Variants in GRID2 observed in about 807,000 individuals in gnomAD.
The protein encoded by GRID2 is glutamate ionotropic receptor delta type subunit 2, also known as glutamate receptor ionotropic, delta-2.
A neutral mutation model predicts 114.8 loss-of-function variants in GRID2; 33 were observed. The ratio of observed to expected loss-of-function variants is 0.29; its 90% CI spans 0.22 to 0.38. The LOEUF is 0.38. Among genes scored for constraint, GRID2 ranks in the 10% least tolerant of loss-of-function variants. The pLI, the probability that GRID2 is intolerant of heterozygous loss-of-function variation, is 1.00. For synonymous variants in GRID2, 505 were observed against 449.9 expected, an observed-to-expected ratio of 1.12 and a Z score of -1.55; for missense variants, 1,184 against 1,257.7, an observed-to-expected ratio of 0.94 and a Z score of 0.89.
chr4:92,374,729 G>A (rs531811897), intron 1 of GRID2, among the ~76,000 whole-genome samples: 22 of 152,168 alleles, frequency 1.4e-4, no homozygotes, highest in Non-Finnish European at 2.9e-4. Flanking sequence ...TAAGAGTAGC[G>A]CAAATCTTAA....
At chr4:92,785,389 A>G (rs2149360988) in intron 2 of GRID2, among the ~76,000 whole-genome samples, 1 of 151,302 alleles carries the variant, frequency 6.6e-6, no homozygotes. Flanking sequence ...TTTTTAAATA[A>G]ATATATATTA....
chr4:92,482,729 C>A (rs1722674137), intron 1 of GRID2, among the ~76,000 whole-genome samples: 1 of 152,038 alleles, frequency 6.6e-6, no homozygotes. Context: ...TTGTCTCTGG[C>A]TGAAAGAATC....
chr4:93,340,541 C>G (rs995999644), intron 8 of GRID2, among the ~76,000 whole-genome samples: 4 of 151,874 alleles, frequency 2.6e-5, no homozygotes, highest in Non-Finnish European at 5.9e-5. Flanking sequence ...TAAGTGTATT[C>G]TGGTTTCTAG....
intron 1 of GRID2, among the ~76,000 whole-genome samples, chr4:92,359,360 A>G (rs751763431): frequency 1.3e-5 from 2 of 152,002 alleles, no homozygotes; most frequent in Non-Finnish European, 2.9e-5. Context: ...ACAGTCCTAA[A>G]GTTAAATTCT....
At chr4:93,203,531 A>C (rs957558675) in intron 4 of GRID2, among the ~76,000 whole-genome samples, 2 of 152,186 alleles carry the variant, frequency 1.3e-5, no homozygotes, top group African/African-American at 2.4e-5. Flanking sequence ...AGGCCAAGAA[A>C]TATTGCATAA....
At chr4:93,327,498 T>C (rs1307933086) in intron 8 of GRID2, among the ~76,000 whole-genome samples, 1 of 152,058 alleles carries the variant, frequency 6.6e-6, no homozygotes, top group Admixed American at 6.6e-5. Context: ...CTCAAGACTC[T>C]CCCTTGTATA....
At chr4:93,158,366 C>G (rs1176996882) in intron 4 of GRID2, among the ~76,000 whole-genome samples, 3 of 151,728 alleles carry the variant, frequency 2.0e-5, no homozygotes, top group Non-Finnish European at 2.9e-5. Context: ...GGTGAAGCCT[C>G]CAATAGTACC....
chr4:92,428,264 GTAATAA>G (rs772512359), intron 1 of GRID2, among the ~76,000 whole-genome samples: 9 of 150,954 alleles, frequency 6.0e-5, no homozygotes, highest in Non-Finnish European at 7.4e-5. Context: ...TCCTCACAAA[GTAATAA>G]TAATAATAAT....
chr4:93,336,401 A>C (rs976599815), intron 8 of GRID2, among the ~76,000 whole-genome samples: 3 of 152,158 alleles, frequency 2.0e-5, no homozygotes, highest in African/African-American at 4.8e-5. Context: ...ATTTCACTGG[A>C]AGAATAAGCC....
intron 4 of GRID2, among the ~76,000 whole-genome samples, chr4:93,173,316 G>T (rs942527713): frequency 2.0e-5 from 3 of 152,024 alleles, no homozygotes; most frequent in African/African-American, 7.2e-5. Flanking sequence ...CTGAGAATTT[G>T]TCATAGAGCA....
intron 2 of GRID2, among the ~76,000 whole-genome samples, chr4:92,609,562 C>A (rs1316471058): frequency 6.6e-6 from 1 of 150,994 alleles, no homozygotes; most frequent in Non-Finnish European, 1.5e-5. Flanking sequence ...GATGAAAGGG[C>A]AAAAGTGATG....
chr4:93,688,732 A>C (rs1356886895), intron 14 of GRID2, among the ~76,000 whole-genome samples: 3 of 152,112 alleles, frequency 2.0e-5, no homozygotes, highest in Non-Finnish European at 2.9e-5. Context: ...TTGTCAAAAG[A>C]CAGAATGTTT....
chr4:93,258,968 T>A (rs1337638184), intron 8 of GRID2: 3 of 453,988 alleles, frequency 6.6e-6, no homozygotes, highest in Non-Finnish European at 1.3e-5. Context: ...TAAGGACTGA[T>A]GTGCTGACTA....
intron 4 of GRID2, among the ~76,000 whole-genome samples, chr4:93,131,317 C>A (rs1560911852): frequency 6.6e-6 from 1 of 151,462 alleles, no homozygotes; most frequent in Non-Finnish European, 1.5e-5. Context: ...CCATGCCCAG[C>A]TAATTTTTGT....
chr4:93,630,366 A>T (rs1366711822), intron 14 of GRID2, among the ~76,000 whole-genome samples: 1 of 152,316 alleles, frequency 6.6e-6, no homozygotes, highest in East Asian at 1.9e-4. Flanking sequence ...GAATGAAGAA[A>T]ACTGAATTTT....
intron 13 of GRID2, among the ~76,000 whole-genome samples, chr4:93,548,885 A>G (rs1368742880): frequency 6.6e-6 from 1 of 152,178 alleles, no homozygotes; most frequent in African/African-American, 2.4e-5. Context: ...TCAACAGTGA[A>G]TCACATCACC....
chr4:93,684,761 G>C (rs1209567443), intron 14 of GRID2, among the ~76,000 whole-genome samples: 1 of 152,036 alleles, frequency 6.6e-6, no homozygotes, highest in South Asian at 2.1e-4. Flanking sequence ...TATTGTATAG[G>C]GGGAGGGTTC....
chr4:92,917,896 T>C (rs923557359), intron 2 of GRID2, among the ~76,000 whole-genome samples: 2 of 152,190 alleles, frequency 1.3e-5, no homozygotes, highest in Non-Finnish European at 2.9e-5. Context: ...AGAAAGTCAT[T>C]GGTAGCTTAA....
At chr4:92,646,191 T>A (rs924563477) in intron 2 of GRID2, among the ~76,000 whole-genome samples, 1 of 6,314 alleles carries the variant, frequency 1.6e-4, no homozygotes. Flanking sequence ...TAATTAATAA[T>A]GTGCCATGGA....
Sources: gnomAD v4.1 joint callset for allele counts (sites outside exome capture counted in the v4.1 genomes callset) on GRCh38, gnomAD v4.1.1 for gene constraint, MANE v1.5 for transcripts, NCBI Gene and HGNC (gene_info 2026-07-23, HGNC 2026-07-21) for gene names.